Variants in LRP1B observed in about 807,000 individuals in gnomAD.
LRP1B encodes LDL receptor related protein 1B.
Under a neutral mutation model 556.6 loss-of-function variants are expected in LRP1B, and 217 were observed. The ratio of observed to expected loss-of-function variants is 0.39; its 90% CI spans 0.35 to 0.44. The LOEUF (loss-of-function observed/expected upper bound fraction) is 0.44, where lower values mean the gene tolerates loss of function less well. Among genes scored for constraint, LRP1B ranks in the 20% least tolerant of loss-of-function variants. The pLI is 1.00. For missense variants in LRP1B, 5,053 were observed against 5,620.8 expected, an observed-to-expected ratio of 0.90 and a Z score of 3.23; for synonymous variants, 2,047 against 1,865.8, an observed-to-expected ratio of 1.10 and a Z score of -2.50.
chr2:142,023,804 G>A (rs1017913075), intron 1 of LRP1B, among the ~76,000 whole-genome samples: 1 of 152,132 alleles, frequency 6.6e-6, no homozygotes, highest in Non-Finnish European at 1.5e-5. Flanking sequence ...GTATAGGTAT[G>A]TGTTTGCCTC....
At chr2:141,308,064 T>A (rs1400440760) in intron 3 of LRP1B, among the ~76,000 whole-genome samples, 1 of 152,156 alleles carries the variant, frequency 6.6e-6, no homozygotes, top group East Asian at 1.9e-4. Flanking sequence ...GAAGTGCTTA[T>A]GTGCCAACAC....
intron 77 of LRP1B, among the ~76,000 whole-genome samples, chr2:140,346,110 C>A (rs1354497996): frequency 1.3e-5 from 2 of 151,112 alleles, no homozygotes; most frequent in African/African-American, 4.9e-5. Context: ...AGCAAGATTC[C>A]AGTTCTGTTA....
chr2:141,826,228 G>T (rs2105737612), intron 1 of LRP1B, among the ~76,000 whole-genome samples: 2 of 150,422 alleles, frequency 1.3e-5, no homozygotes, highest in Admixed American at 6.6e-5. Context: ...AATATATATT[G>T]TTCTGTATAT....
chr2:141,863,031 T>C (rs1698302239), intron 1 of LRP1B, among the ~76,000 whole-genome samples: 1 of 152,224 alleles, frequency 6.6e-6, no homozygotes, highest in African/African-American at 2.4e-5. Context: ...CCTTGAAACT[T>C]GCTTATGGTG....
chr2:140,899,986 A>C (rs1449986660), intron 23 of LRP1B, among the ~76,000 whole-genome samples: 1 of 152,200 alleles, frequency 6.6e-6, no homozygotes, highest in African/African-American at 2.4e-5. Context: ...CAAGAAAAAA[A>C]AACAAAAAAC....
At chr2:142,014,750 G>C (rs1228646334) in intron 1 of LRP1B, among the ~76,000 whole-genome samples, 1 of 152,136 alleles carries the variant, frequency 6.6e-6, no homozygotes, top group Non-Finnish European at 1.5e-5. Flanking sequence ...TACATTGCAA[G>C]TGCCACAGAG....
chr2:140,601,796 A>G (rs950864459), intron 41 of LRP1B, among the ~76,000 whole-genome samples, 157 bp from the exon 42 acceptor site: 3 of 152,190 alleles, frequency 2.0e-5, no homozygotes, highest in Non-Finnish European at 2.9e-5. Context: ...TGTGATACCT[A>G]CAATTGACAG....
chr2:140,335,660 TTTG>T lies in LRP1B; in HGVS notation c.12068_12070del (p.Thr4023del). 6.2e-7 allele frequency: 1 copy of T among 1,612,696 alleles called. No homozygotes were observed. The highest frequency in any genetic ancestry group is 8.5e-7 in the Non-Finnish European group (1 of 1,179,002). On this transcript the variant is annotated inframe_deletion, in exon 78 of 91. Transcript: ENST00000389484. ...AATAGCATAGGGTTCTCCAGCCATA[TTTG>T]TTAAGAGTCTGGTGCAGTTGGGGCC...
At chr2:141,622,742 C>T (rs1422414545) in intron 2 of LRP1B, among the ~76,000 whole-genome samples, 2 of 152,058 alleles carry the variant, frequency 1.3e-5, no homozygotes, top group African/African-American at 2.4e-5. Flanking sequence ...CTATTTTTTG[C>T]GTGCTGCTGG....
At chr2:140,290,672 G>T (rs2104985446) in intron 84 of LRP1B, among the ~76,000 whole-genome samples, 1 of 152,148 alleles carries the variant, frequency 6.6e-6, no homozygotes, top group South Asian at 2.1e-4. Flanking sequence ...AAGTACTTTG[G>T]TCGCTTTTAG....
intron 45 of LRP1B, among the ~76,000 whole-genome samples, chr2:140,538,457 A>G (rs1680011575): frequency 1.3e-5 from 2 of 152,130 alleles, no homozygotes; most frequent in African/African-American, 4.8e-5. Flanking sequence ...GCTCCCAGTT[A>G]TAAATTAGAA....
At chr2:141,789,120 C>T (rs911119124) in intron 2 of LRP1B, among the ~76,000 whole-genome samples, 7 of 151,958 alleles carry the variant, frequency 4.6e-5, no homozygotes, top group African/African-American at 1.7e-4. Context: ...CTGACTTCCA[C>T]AATGGTTGAA....
intron 2 of LRP1B, among the ~76,000 whole-genome samples, chr2:141,597,457 A>T (rs576911779): frequency 6.6e-6 from 1 of 152,104 alleles, no homozygotes; most frequent in African/African-American, 2.4e-5. Context: ...AACATGTTCA[A>T]TTTGCCCTTC....
At chr2:142,035,101 A>G (rs10165297) in intron 1 of LRP1B, among the ~76,000 whole-genome samples, 2,460 of 151,830 alleles carry the variant, frequency 0.016, 70 homozygotes, top group African/African-American at 0.056. Flanking sequence ...AAAGTGGACA[A>G]ATATTCAACA....
At chr2:141,582,315 G>C (rs922650388) in intron 2 of LRP1B, among the ~76,000 whole-genome samples, 1 of 152,174 alleles carries the variant, frequency 6.6e-6, no homozygotes, top group Non-Finnish European at 1.5e-5. Flanking sequence ...GCAAACTGAA[G>C]AAAACAAGGA....
intron 1 of LRP1B, among the ~76,000 whole-genome samples, chr2:141,856,456 A>G (rs1259841399): frequency 6.6e-6 from 1 of 152,116 alleles, no homozygotes; most frequent in Non-Finnish European, 1.5e-5. Flanking sequence ...CACTGTTCAT[A>G]CAAATTTCAC....
intron 3 of LRP1B, among the ~76,000 whole-genome samples, chr2:141,276,654 CTTTCTT>C (rs1262039769): frequency 5.8e-5 from 7 of 120,326 alleles, no homozygotes; most frequent in South Asian, 2.9e-4. Context: ...TTCTTTCTTT[CTTTCTT>C]TTTTTTTTTT....
intron 21 of LRP1B, among the ~76,000 whole-genome samples, chr2:140,909,249 C>T (rs1694347547): frequency 6.6e-6 from 1 of 152,090 alleles, no homozygotes; most frequent in Admixed American, 6.6e-5. Context: ...TAGTTATTGA[C>T]TGACTACATA....
intron 5 of LRP1B, among the ~76,000 whole-genome samples, chr2:141,234,538 G>T (rs186362441): frequency 4.6e-5 from 7 of 151,758 alleles, no homozygotes; most frequent in Non-Finnish European, 1.0e-4. Context: ...CACCATGCCC[G>T]ATTAATTTTT....
Sources: allele counts gnomAD v4.1 joint callset (sites outside exome capture counted in the v4.1 genomes callset), GRCh38; gene constraint gnomAD v4.1.1; transcripts MANE v1.5; gene names NCBI Gene and HGNC (gene_info 2026-07-23, HGNC 2026-07-21).